Variants in GNB1 observed in about 807,000 individuals in gnomAD.
The protein encoded by GNB1 is guanine nucleotide-binding protein G(I)/G(S)/G(T) subunit beta-1.
In GNB1, 2 loss-of-function variants were observed where a neutral mutation model predicts 42.9. The observed-to-expected ratio is 0.05, with a 90% confidence interval of 0.02 to 0.15. The LOEUF (loss-of-function observed/expected upper bound fraction) is 0.15, where lower values mean the gene tolerates loss of function less well. Among genes scored for constraint, GNB1 ranks in the 10% least tolerant of loss-of-function variants. GNB1 has a pLI of 1.00. For missense variants in GNB1, 193 were observed against 462.2 expected, an observed-to-expected ratio of 0.42 and a Z score of 5.34; for synonymous variants, 183 against 174.7, an observed-to-expected ratio of 1.05 and a Z score of -0.38.
intron 1 of GNB1, among the ~76,000 whole-genome samples, chr1:1,873,057 T>G (rs78122801): frequency 2.1e-5 from 3 of 145,294 alleles, no homozygotes; most frequent in African/African-American, 5.0e-5. Context: ...CTAAGCCTTG[T>G]TTTTTTTTTT....
intron 7 of GNB1, among the ~76,000 whole-genome samples, chr1:1,797,640 G>A (rs927592512): frequency 1.3e-5 from 2 of 152,210 alleles, no homozygotes; most frequent in Non-Finnish European, 2.9e-5. Context: ...GTTTTGCCAT[G>A]TTGGCAGGCT....
At chr1:1,855,855 A>C (rs971827747) in intron 1 of GNB1, among the ~76,000 whole-genome samples, 14 of 152,234 alleles carry the variant, frequency 9.2e-5, no homozygotes, top group African/African-American at 3.4e-4. Context: ...AATAGTGTCT[A>C]CAGAACTAGA....
At chr1:1,791,363 C>T (rs1258978384) in intron 8 of GNB1, among the ~76,000 whole-genome samples, 1 of 152,058 alleles carries the variant, frequency 6.6e-6, no homozygotes, top group African/African-American at 2.4e-5. Context: ...TTAGTAGAGA[C>T]GGGGTTTCTC....
At chr1:1,886,370 T>C (rs529433392) in intron 1 of GNB1, among the ~76,000 whole-genome samples, 2 of 152,306 alleles carry the variant, frequency 1.3e-5, no homozygotes, top group East Asian at 3.9e-4. Flanking sequence ...CAAATGTCTA[T>C]AGATTGTCTC....
chr1:1,860,164 A>AT (rs1440166326), intron 1 of GNB1, among the ~76,000 whole-genome samples: 1 of 152,224 alleles, frequency 6.6e-6, no homozygotes, highest in East Asian at 1.9e-4. Flanking sequence ...ATCCTAAGTG[A>AT]ATTAACACAG....
intron 1 of GNB1, among the ~76,000 whole-genome samples, chr1:1,861,095 C>T (rs896405048): frequency 1.5e-4 from 18 of 123,724 alleles, no homozygotes; most frequent in South Asian, 7.7e-4. Flanking sequence ...GGCGACAGAG[C>T]GAGACTCTGT....
At chr1:1,798,634 G>A (rs571925620) in intron 7 of GNB1, among the ~76,000 whole-genome samples, 2 of 152,234 alleles carry the variant, frequency 1.3e-5, no homozygotes, top group Non-Finnish European at 2.9e-5. Flanking sequence ...AAGAGCAAGC[G>A]TTGAGTCTCC....
intron 1 of GNB1, among the ~76,000 whole-genome samples, chr1:1,840,238 A>G (rs1455805933): frequency 1.3e-5 from 2 of 151,368 alleles, no homozygotes; most frequent in African/African-American, 4.9e-5. Context: ...GAAAAGAAAA[A>G]AAAAAAAAAG....
chr1:1,855,476 C>T (rs577452731), intron 1 of GNB1, among the ~76,000 whole-genome samples: 4 of 151,994 alleles, frequency 2.6e-5, no homozygotes, highest in East Asian at 1.9e-4. Context: ...CCGAGGCGGG[C>T]GGATCACAAG....
intron 1 of GNB1, among the ~76,000 whole-genome samples, chr1:1,847,870 G>C (rs1233749684): frequency 6.6e-6 from 1 of 152,170 alleles, no homozygotes; most frequent in Non-Finnish European, 1.5e-5. Context: ...GGAATTAACA[G>C]AACACACCTT....
chr1:1,786,423 C>CTA lies in GNB1; in HGVS notation c.*638_*639dup, dbSNP rs1219119763. ...CCATGGCTTCTGAACATGTTCTTTT[C>CTA]TATGCCACGTTTGTGTGCAACAATG... On this transcript the variant is annotated 3_prime_UTR_variant, in exon 12 of 12. Coordinates refer to ENST00000378609, the MANE Select transcript of GNB1 (RefSeq NM_002074.5). 1 of 217,180 alleles carries CTA rather than the reference C, an allele frequency of 4.6e-6. No individual in the cohort carries two copies. Among genetic ancestry groups the CTA allele is most frequent in the African/African-American group, 2.3e-5 (1 of 44,230 alleles). 13.5% of individuals were successfully genotyped at this position (217,180 alleles called of 1,614,324 possible). A position where few individuals can be genotyped will look rare whatever the true frequency, so the allele number is the denominator to read the frequency against.
intron 1 of GNB1, among the ~76,000 whole-genome samples, chr1:1,861,146 T>C (rs1367597257): frequency 7.0e-6 from 1 of 142,880 alleles, no homozygotes; most frequent in African/African-American, 2.6e-5. Flanking sequence ...GACTTCCCAA[T>C]CTTTGTGTCT....
intron 7 of GNB1, among the ~76,000 whole-genome samples, chr1:1,801,236 T>A (rs2100653471): frequency 6.6e-6 from 1 of 152,300 alleles, no homozygotes; most frequent in African/African-American, 2.4e-5. Flanking sequence ...TCATGTTGGC[T>A]AGGCTGATCT....
rs1646473101 is a variant in GNB1 at position 1,790,902 on chromosome 1, G to T, written c.498-306C>A. On this transcript the variant is annotated intron_variant, in intron 8 of 11. Coordinates refer to ENST00000378609, the MANE Select transcript of GNB1 (RefSeq NM_002074.5). The surrounding 1 kb of genome is among the most constrained non-coding windows in gnomAD (Gnocchi z 5.4). ...GGCACTTTTCAAGCAGCACCACTGAGGCTGTGCCCCCTCTTTGGTCATGGA... is the reference window on the plus strand; with the variant it reads ...GGCACTTTTCAAGCAGCACCACTGATGCTGTGCCCCCTCTTTGGTCATGGA... 6.6e-6 allele frequency among the ~76,000 whole-genome samples: 1 copy of T among 152,184 alleles called. No individual in the cohort carries two copies. The highest frequency in any genetic ancestry group is 2.1e-4 in the South Asian group (1 of 4,832).
At chr1:1,830,599 C>A (rs553586629) in intron 2 of GNB1, among the ~76,000 whole-genome samples, 2 of 152,096 alleles carry the variant, frequency 1.3e-5, no homozygotes, top group East Asian at 3.9e-4. Flanking sequence ...CACACTCTTG[C>A]CCAGGGTGGA....
At chr1:1,851,872 C>T (rs1254028056) in intron 1 of GNB1, among the ~76,000 whole-genome samples, 1 of 151,432 alleles carries the variant, frequency 6.6e-6, no homozygotes, top group African/African-American at 2.4e-5. Context: ...GGAGAAACCC[C>T]ATGTCTACTA....
chr1:1,823,061 T>C (rs1315464831), intron 3 of GNB1, among the ~76,000 whole-genome samples: 1 of 151,530 alleles, frequency 6.6e-6, no homozygotes, highest in Non-Finnish European at 1.5e-5. Context: ...GCTAACACGG[T>C]GAAACCCCAT....
At chr1:1,881,747 G>T (rs1211040191) in intron 1 of GNB1, among the ~76,000 whole-genome samples, 1 of 152,104 alleles carries the variant, frequency 6.6e-6, no homozygotes, top group Non-Finnish European at 1.5e-5. Context: ...TGGCTTCCAG[G>T]TCTAACCACT....
intron 1 of GNB1, among the ~76,000 whole-genome samples, chr1:1,874,722 C>T (rs766112663): frequency 8.2e-4 from 122 of 149,430 alleles, no homozygotes; most frequent in Non-Finnish European, 3.4e-4. Flanking sequence ...GCCTGTGAGG[C>T]GGAGTTGCAG....
Sources: allele counts gnomAD v4.1 joint callset (sites outside exome capture counted in the v4.1 genomes callset), GRCh38; gene constraint gnomAD v4.1.1; non-coding constraint Gnocchi (gnomAD v3.1); transcripts MANE v1.5; gene names NCBI Gene and HGNC (gene_info 2026-07-23, HGNC 2026-07-21).